WBP4: variants seen among roughly 807,000 people sequenced by gnomAD.
WBP4 encodes WW domain binding protein 4.
A neutral mutation model predicts 55.4 loss-of-function variants in WBP4; 37 were observed. The observed-to-expected ratio is 0.67, with a 90% confidence interval of 0.51 to 0.88. The LOEUF (loss-of-function observed/expected upper bound fraction) is 0.88, where lower values mean the gene tolerates loss of function less well. Among genes scored for constraint, WBP4 ranks in the 40% least tolerant of loss-of-function variants. The pLI is 0.00. For synonymous variants in WBP4, 142 were observed against 140.2 expected, an observed-to-expected ratio of 1.01 and a Z score of -0.09; for missense variants, 398 against 420.8, an observed-to-expected ratio of 0.95 and a Z score of 0.47.
chr13:41,070,469 G>T (rs976326312), intron 5 of WBP4, among the ~76,000 whole-genome samples: 1 of 151,970 alleles, frequency 6.6e-6, no homozygotes, highest in East Asian at 1.9e-4. Context: ...CTGGAAGGTA[G>T]ATTGGAGCCA....
intron 1 of WBP4, chr13:41,062,260 G>T (rs61962755): frequency 0.064 from 63,056 of 984,850 alleles, 2,224 homozygotes; most frequent in South Asian, 0.13. Context: ...TCTCTTGGTG[G>T]GAATAACTTG....
chr13:41,071,686 A>T, intron 6 of WBP4, 113 bp downstream of exon 6: 1 of 907,728 alleles, frequency 1.1e-6, no homozygotes, highest in Non-Finnish European at 1.7e-6. Flanking sequence ...CACTCCCTCC[A>T]CCCCCAAACT....
chr13:41,071,821 T>C (rs1878258836), intron 6 of WBP4, among the ~76,000 whole-genome samples: 1 of 152,016 alleles, frequency 6.6e-6, no homozygotes, highest in African/African-American at 2.4e-5. Context: ...GGCATGTGGA[T>C]CACAAGGTCA....
chr13:41,061,697 GAAC>G, intron 1 of WBP4, 22 bp downstream of exon 1: 4 of 1,613,966 alleles, frequency 2.5e-6, no homozygotes, highest in Non-Finnish European at 3.4e-6. Context: ...CTCAGGCCCT[GAAC>G]AACGAGGTGT....
At chr13:41,066,458 C>T (rs17447982) in intron 4 of WBP4, among the ~76,000 whole-genome samples, 5,159 of 151,816 alleles carry the variant, frequency 0.034, 157 homozygotes, top group Middle Eastern at 0.11. Flanking sequence ...GTCTATTTGC[C>T]GGTTGTTTTA....
chr13:41,081,813 T>A (rs1878791357), intron 9 of WBP4, among the ~76,000 whole-genome samples: 1 of 152,168 alleles, frequency 6.6e-6, no homozygotes, highest in Non-Finnish European at 1.5e-5. Context: ...GACTCTGTCC[T>A]AAAAAGAAAA....
intron 1 of WBP4, chr13:41,061,994 C>T: frequency 2.1e-6 from 2 of 966,166 alleles, no homozygotes; most frequent in Non-Finnish European, 2.5e-6. Context: ...GCATGCACCC[C>T]TTGGGTTTCC....
intron 9 of WBP4, among the ~76,000 whole-genome samples, chr13:41,081,095 G>A (rs926283089): frequency 6.6e-6 from 1 of 152,126 alleles, no homozygotes; most frequent in African/African-American, 2.4e-5. Flanking sequence ...TACTCAGGAG[G>A]TGGAGGCAGG....
intron 7 of WBP4, among the ~76,000 whole-genome samples, chr13:41,073,513 C>CAAAA (rs147840333): frequency 8.9e-6 from 1 of 112,192 alleles, no homozygotes; most frequent in Non-Finnish European, 1.9e-5. Flanking sequence ...AACTCTGTCT[C>CAAAA]AAAAAAAAAA....
rs2138453095 is a variant in WBP4 at position 41,061,590 on chromosome 13, G to A, written c.-84G>A. Reference sequence around the variant, plus strand: ...AGGGAGGTTCGGGTGGGCATCGGGCGGCTGGAAGAGCTCGACTCGTCCCGC... The same window carrying A: ...AGGGAGGTTCGGGTGGGCATCGGGCAGCTGGAAGAGCTCGACTCGTCCCGC... On this transcript the variant is annotated 5_prime_UTR_variant, in exon 1 of 10. Coordinates refer to ENST00000379487, the MANE Select transcript of WBP4 (RefSeq NM_007187.5). 2 of 1,608,878 alleles carry A rather than the reference G, an allele frequency of 1.2e-6. No homozygotes were observed. Among genetic ancestry groups the A allele is most frequent in the African/African-American group, 2.7e-5 (2 of 74,980 alleles).
chr13:41,070,682 T>G (rs980111619), intron 5 of WBP4, among the ~76,000 whole-genome samples: 1 of 152,104 alleles, frequency 6.6e-6, no homozygotes, highest in African/African-American at 2.4e-5. Flanking sequence ...GTAGATAATA[T>G]GTTAGCCTTT....
intron 5 of WBP4, among the ~76,000 whole-genome samples, chr13:41,068,942 A>G (rs1158493401): frequency 6.6e-6 from 1 of 152,220 alleles, no homozygotes; most frequent in East Asian, 1.9e-4. Context: ...ACTTAGTCAA[A>G]GCCTTTGATA....
chr13:41,071,543 A>G lies in WBP4; in HGVS notation c.456A>G (p.Lys152=), dbSNP rs1878246318. Reference sequence around the variant, plus strand: ...TGCTTTAAGCATCTCAGTGGGAGAAACCTGAAGGATTTCAAGGAGACTTAA... The same window carrying G: ...TGCTTTAAGCATCTCAGTGGGAGAAGCCTGAAGGATTTCAAGGAGACTTAA... ...DLISGASQWE[K]PEGFQGDLKK... Residue 152 remains lysine (K), a synonymous_variant, in exon 6 of 10, where the codon AAA becomes AAG. Transcript: ENST00000379487. The G allele has an allele frequency of 6.2e-7, 1 of 1,609,904 alleles. No homozygotes were observed. Among genetic ancestry groups the G allele is most frequent in the Non-Finnish European group, 8.5e-7 (1 of 1,178,006 alleles).
chr13:41,077,948 T>G (rs1298200800), intron 8 of WBP4, among the ~76,000 whole-genome samples: 2 of 150,776 alleles, frequency 1.3e-5, no homozygotes, highest in African/African-American at 4.9e-5. Context: ...AAGTGAAAGA[T>G]CCCTACAAAA....
intron 8 of WBP4, among the ~76,000 whole-genome samples, chr13:41,079,611 A>G (rs1470391735): frequency 6.6e-6 from 1 of 152,026 alleles, no homozygotes. Context: ...GGAAACACTT[A>G]TACACTTACT....
At chr13:41,075,481 A>G (rs549992811) in intron 7 of WBP4, among the ~76,000 whole-genome samples, 1 of 152,262 alleles carries the variant, frequency 6.6e-6, no homozygotes, top group South Asian at 2.1e-4. Context: ...TCCTGGGCTC[A>G]AGCAGTCTTC....
chr13:41,076,368 T>C (rs1878495137), intron 8 of WBP4, 131 bp downstream of exon 8: 7 of 704,280 alleles, frequency 9.9e-6, no homozygotes, highest in Non-Finnish European at 1.5e-5. Context: ...AACCTCCACC[T>C]TCCGGGTTCA....
chr13:41,072,045 C>CA (rs560903455), intron 6 of WBP4, among the ~76,000 whole-genome samples: 1,310 of 50,246 alleles, frequency 0.026, 24 homozygotes, highest in African/African-American at 0.044. Flanking sequence ...GACTCCGTCT[C>CA]AAAAAAAAAA....
chr13:41,071,380 G>A, intron 5 of WBP4, 147 bp from the exon 6 acceptor site: 2 of 628,732 alleles, frequency 3.2e-6, no homozygotes, highest in Non-Finnish European at 2.8e-6. Flanking sequence ...GTACTGGGAT[G>A]TATGTTCTGT....
Sources: gnomAD v4.1 joint callset for allele counts (sites outside exome capture counted in the v4.1 genomes callset) on GRCh38, gnomAD v4.1.1 for gene constraint, MANE v1.5 for transcripts, NCBI Gene and HGNC (gene_info 2026-07-23, HGNC 2026-07-21) for gene names.